MTUS2: variants seen among roughly 807,000 people sequenced by gnomAD.
The protein encoded by MTUS2 is microtubule associated scaffold protein 2.
Under a neutral mutation model 114.1 loss-of-function variants are expected in MTUS2, and 40 were observed. The ratio of observed to expected loss-of-function variants is 0.35; its 90% confidence interval spans 0.27 to 0.46. The LOEUF (loss-of-function observed/expected upper bound fraction) is 0.46. Ranked by LOEUF, MTUS2 falls within the 20% of genes least tolerant of loss-of-function variation. The pLI is 1.00. For synonymous variants in MTUS2, 688 were observed against 672.0 expected, an observed-to-expected ratio of 1.02 and a Z score of -0.37; for missense variants, 1,679 against 1,705.4, an observed-to-expected ratio of 0.98 and a Z score of 0.27.
intron 2 of MTUS2, among the ~76,000 whole-genome samples, chr13:28,914,028 A>G (rs1465559627): frequency 6.6e-6 from 1 of 151,752 alleles, no homozygotes; most frequent in South Asian, 2.1e-4. Flanking sequence ...CTAGCAGTCT[A>G]TTTTATTAAT....
chr13:29,346,107 A>G (rs1868652927), intron 7 of MTUS2, among the ~76,000 whole-genome samples: 1 of 152,142 alleles, frequency 6.6e-6, no homozygotes, highest in African/African-American at 2.4e-5. Flanking sequence ...TGTAGTTTTT[A>G]GTGCACTGGC....
At chr13:28,983,942 T>G (rs1313655667) in intron 2 of MTUS2, among the ~76,000 whole-genome samples, 1 of 152,236 alleles carries the variant, frequency 6.6e-6, no homozygotes, top group Admixed American at 6.5e-5. Flanking sequence ...GTTTGGGCGC[T>G]CTCTTGCTTT....
At chr13:29,414,888 A>G (rs1367210459) in intron 8 of MTUS2, among the ~76,000 whole-genome samples, 8 of 149,766 alleles carry the variant, frequency 5.3e-5, no homozygotes, top group Non-Finnish European at 7.4e-5. Flanking sequence ...TAAGTCATTT[A>G]TTTACTTTTT....
intron 5 of MTUS2, among the ~76,000 whole-genome samples, chr13:29,137,101 T>C (rs1398964147): frequency 6.6e-6 from 1 of 152,234 alleles, no homozygotes; most frequent in Non-Finnish European, 1.5e-5. Context: ...AAAAACATTT[T>C]GTTTTTTTCT....
chr13:29,310,149 C>T (rs1429580998), intron 6 of MTUS2, among the ~76,000 whole-genome samples: 1 of 152,126 alleles, frequency 6.6e-6, no homozygotes, highest in Admixed American at 6.6e-5. Context: ...TTATGCTAAG[C>T]GCTCTTAATC....
At chr13:29,023,919 T>C (rs1886397292) in intron 2 of MTUS2, among the ~76,000 whole-genome samples, 1 of 152,238 alleles carries the variant, frequency 6.6e-6, no homozygotes, top group South Asian at 2.1e-4. Context: ...ACGTGGTTAA[T>C]GTGGTGTCTA....
intron 2 of MTUS2, among the ~76,000 whole-genome samples, chr13:28,969,253 G>C (rs1200584401): frequency 1.3e-5 from 2 of 152,132 alleles, no homozygotes; most frequent in Non-Finnish European, 1.5e-5. Context: ...TGTTGCCCAA[G>C]CTGGTTGCAA....
chr13:29,476,605 G>A (rs761385955), intron 9 of MTUS2: 2 of 152,028 alleles, frequency 1.3e-5, no homozygotes, highest in African/African-American at 2.4e-5. Context: ...AGTATATTCC[G>A]AGTTGTGGAA....
In MTUS2 at chr13:29,480,273, G is replaced by A. The variant is rs557221814; in HGVS notation, c.3308G>A (p.Arg1103Gln). ...QQAELQELEE[R>Q]LQLQFEAEMA... ...GCCGAGCTCCAGGAGCTGGAGGAGC[G>A]GCTGCAGCTGCAATTCGAGGCGGAA... Residue 1103 changes from arginine (R) to glutamine (Q), a missense_variant, in exon 10 of 16, where the codon CGG becomes CAG. Physicochemically the swap from Arg to Gln is conservative, Grantham distance 43. Coordinates refer to ENST00000612955, the MANE Select transcript of MTUS2 (RefSeq NM_001033602.4). This position sits in a 1 kb window ranked among gnomAD's most constrained non-coding sequence, Gnocchi z 4.4. 1.0e-5 allele frequency: 16 copies of A among 1,554,476 alleles called. No individual in the cohort carries two copies. The highest frequency in any genetic ancestry group is 5.5e-5 in the African/African-American group (4 of 73,262).
At chr13:29,389,397 A>ATGTG (rs1475090074) in intron 8 of MTUS2, among the ~76,000 whole-genome samples, 5 of 22,512 alleles carry the variant, frequency 2.2e-4, no homozygotes, top group African/African-American at 7.2e-4. Context: ...ACGTGTGTGT[A>ATGTG]TATATGTATA....
intron 5 of MTUS2, among the ~76,000 whole-genome samples, chr13:29,232,654 T>A (rs144029191): frequency 7.2e-5 from 11 of 152,340 alleles, no homozygotes; most frequent in African/African-American, 2.6e-4. Flanking sequence ...ACTGGGTAGT[T>A]CTATCTACCT....
chr13:29,016,110 T>A (rs1290774561), intron 2 of MTUS2, among the ~76,000 whole-genome samples: 1 of 152,012 alleles, frequency 6.6e-6, no homozygotes, highest in African/African-American at 2.4e-5. Flanking sequence ...TCACCATGCT[T>A]GTCAGGCTGG....
intron 5 of MTUS2, among the ~76,000 whole-genome samples, chr13:29,158,358 C>CTTTT (rs372666382): frequency 0.072 from 2,298 of 32,046 alleles, 211 homozygotes; most frequent in East Asian, 0.11. Context: ...GTCCACCCCG[C>CTTTT]TTTTTTTTTT....
rs370530105 is a variant in MTUS2, at chr13:29,215,534, G to A, written c.2645-66170G>A. Among the ~76,000 whole-genome samples, 9 of 137,130 alleles carry A rather than the reference G, an allele frequency of 6.6e-5. No homozygotes were observed. The East Asian group carries it at 1.8e-3, about 27-fold the overall frequency. 90.0% of individuals were successfully genotyped at this position (137,130 alleles called of 152,430 possible). ...GATTTATCTACCTTTGATCTTTGAT[G>A]CTCATGACCTTTAGATGGGGTTTTG... On this transcript the variant is annotated intron_variant, in intron 5 of 15. Coordinates refer to ENST00000612955, the MANE Select transcript of MTUS2 (RefSeq NM_001033602.4).
At chr13:29,459,259 A>G (rs1227487244) in intron 9 of MTUS2, among the ~76,000 whole-genome samples, 1 of 152,150 alleles carries the variant, frequency 6.6e-6, no homozygotes, top group Non-Finnish European at 1.5e-5. Flanking sequence ...GTTGAACCAC[A>G]ACTTTGTGGC....
intron 5 of MTUS2, among the ~76,000 whole-genome samples, chr13:29,225,788 A>T (rs1399228435): frequency 1.3e-5 from 2 of 152,166 alleles, no homozygotes; most frequent in Non-Finnish European, 2.9e-5. Context: ...TTAATAGAAT[A>T]TCTAGTGTGT....
chr13:29,334,434 G>C (rs930207198), intron 7 of MTUS2, among the ~76,000 whole-genome samples: 1 of 152,150 alleles, frequency 6.6e-6, no homozygotes, highest in African/African-American at 2.4e-5. Context: ...TTGCTTGTCT[G>C]TAAAGGATTT....
chr13:29,502,892 G>A (rs747960667), intron 15 of MTUS2, 101 bp from the exon 16 acceptor site: 8 of 1,164,850 alleles, frequency 6.9e-6, no homozygotes, highest in Admixed American at 4.0e-5. Context: ...TTCTCCCTGC[G>A]GTCATCATGG....
chr13:29,012,109 A>G (rs1317631078), intron 2 of MTUS2, among the ~76,000 whole-genome samples: 2 of 152,164 alleles, frequency 1.3e-5, no homozygotes, highest in Non-Finnish European at 2.9e-5. Context: ...TCCTGTAGAT[A>G]AGGGAGGGTC....
Sources: allele counts gnomAD v4.1 joint callset (sites outside exome capture counted in the v4.1 genomes callset), GRCh38; gene constraint gnomAD v4.1.1; non-coding constraint Gnocchi (gnomAD v3.1); transcripts MANE v1.5; gene names NCBI Gene and HGNC (gene_info 2026-07-23, HGNC 2026-07-21).